Variants in RAB27A observed in about 807,000 individuals in gnomAD.
The protein encoded by RAB27A is ras-related protein Rab-27A.
A neutral mutation model predicts 20.8 loss-of-function variants in RAB27A; 17 were observed. The ratio of observed to expected loss-of-function variants is 0.82; its 90% CI spans 0.56 to 1.23. The LOEUF is 1.23. RAB27A is among the 50% of genes most tolerant of loss of function. The pLI is 0.00. For synonymous variants in RAB27A, 85 were observed against 92.8 expected, an observed-to-expected ratio of 0.92 and a Z score of 0.48; for missense variants, 277 against 266.7, an observed-to-expected ratio of 1.04 and a Z score of -0.27.
chr15:55,247,119 G>T (rs1896717213), intron 2 of RAB27A, among the ~76,000 whole-genome samples: 1 of 152,082 alleles, frequency 6.6e-6, no homozygotes, highest in Non-Finnish European at 1.5e-5. Flanking sequence ...AGCTATCAAA[G>T]AATGGAGTGG....
At chr15:55,262,836 T>C (rs74015552) in intron 2 of RAB27A, among the ~76,000 whole-genome samples, 11,962 of 152,022 alleles carry the variant, frequency 0.079, 685 homozygotes, top group African/African-American at 0.16. Context: ...ATTATAGGTG[T>C]GAGCCACCAC....
intron 6 of RAB27A, among the ~76,000 whole-genome samples, chr15:55,210,997 C>T (rs1057498239): frequency 1.3e-5 from 2 of 152,072 alleles, no homozygotes; most frequent in Non-Finnish European, 2.9e-5. Flanking sequence ...TGTAGTTTTC[C>T]CAGCATCATT....
At position 55,270,268 on chromosome 15, in the gene RAB27A, G is replaced by T. The variant is rs1897664257; in HGVS notation, c.-126C>A. On this transcript the variant is annotated 5_prime_UTR_variant, in exon 2 of 7. The change creates a new upstream start codon in the 5' untranslated region. Transcript: ENST00000336787. ...AACTTCCAATCACATGTCCTCTTCA[G>T]GAAGGTTACTTTTTGTCTAATGTTA... 1 of 152,170 alleles carries T rather than the reference G, an allele frequency of 6.6e-6. No homozygotes were observed. Among genetic ancestry groups the T allele is most frequent in the Non-Finnish European group, 1.5e-5 (1 of 68,026 alleles). 9.4% of individuals were successfully genotyped at this position (152,170 alleles called of 1,614,324 possible). A position where few individuals can be genotyped will look rare whatever the true frequency, so the allele number is the denominator to read the frequency against.
intron 2 of RAB27A, among the ~76,000 whole-genome samples, chr15:55,258,346 C>G (rs751474850): frequency 6.6e-6 from 1 of 152,182 alleles, no homozygotes; most frequent in African/African-American, 2.4e-5. Context: ...GCAAGAGTTT[C>G]TCTAGAAAAT....
intron 2 of RAB27A, among the ~76,000 whole-genome samples, chr15:55,263,908 C>T (rs146580646): frequency 6.6e-6 from 1 of 152,342 alleles, no homozygotes; most frequent in East Asian, 1.9e-4. Context: ...AATCAGCAAA[C>T]AACTCTGTAA....
chr15:55,213,823 G>A (rs954704191), intron 6 of RAB27A, among the ~76,000 whole-genome samples: 1 of 152,140 alleles, frequency 6.6e-6, no homozygotes, highest in Non-Finnish European at 1.5e-5. Context: ...ACATTATGGT[G>A]AGCCGTATAA....
intron 1 of RAB27A, among the ~76,000 whole-genome samples, chr15:55,274,799 T>TATATATAC (rs1208117542): frequency 1.7e-5 from 2 of 115,880 alleles, no homozygotes; most frequent in African/African-American, 7.4e-5. Flanking sequence ...ATAAATTATA[T>TATATATAC]ATATATATAT....
chr15:55,310,339 G>T (rs1566941971), intron 2 of RAB27A, among the ~76,000 whole-genome samples: 1 of 152,058 alleles, frequency 6.6e-6, no homozygotes, highest in Non-Finnish European at 1.5e-5. Flanking sequence ...AGCACACCTG[G>T]GGCTCTGTGA....
At chr15:55,259,016 A>G (rs1017582223) in intron 2 of RAB27A, among the ~76,000 whole-genome samples, 6 of 152,060 alleles carry the variant, frequency 3.9e-5, no homozygotes, top group Non-Finnish European at 5.9e-5. Flanking sequence ...GGGTTTTCCC[A>G]TGTTAGCCAG....
At chr15:55,293,389 C>A (rs1346866060), upstream of RAB27A, among the ~76,000 whole-genome samples, 6 of 151,082 alleles carry the variant, frequency 4.0e-5, no homozygotes, top group Non-Finnish European at 8.8e-5. Context: ...AATAAAAAAT[C>A]TATTAGTGCT....
At chr15:55,216,913 C>G (rs1008789751) in intron 6 of RAB27A, among the ~76,000 whole-genome samples, 3 of 152,122 alleles carry the variant, frequency 2.0e-5, no homozygotes, top group Non-Finnish European at 4.4e-5. Flanking sequence ...TTAATACTGA[C>G]GTATAAATGA....
chr15:55,284,442 A>G (rs1268320496), intron 1 of RAB27A, among the ~76,000 whole-genome samples: 1 of 152,196 alleles, frequency 6.6e-6, no homozygotes, highest in Admixed American at 6.5e-5. Context: ...TAAATACTCC[A>G]GAGGGTCAAA....
intron 6 of RAB27A, among the ~76,000 whole-genome samples, chr15:55,223,242 C>T (rs1205736760): frequency 6.6e-6 from 1 of 152,140 alleles, no homozygotes; most frequent in African/African-American, 2.4e-5. Flanking sequence ...TGTGGTGGCT[C>T]ATACCTGTAA....
chr15:55,298,129 C>T (rs530731890), intron 2 of RAB27A, among the ~76,000 whole-genome samples: 25 of 149,984 alleles, frequency 1.7e-4, no homozygotes, highest in African/African-American at 5.7e-4. Flanking sequence ...GGTGTGAACC[C>T]GGGAGGCAGA....
intron 6 of RAB27A, among the ~76,000 whole-genome samples, chr15:55,210,137 ATATGTATGTG>A (rs1208878766): frequency 7.7e-6 from 1 of 129,276 alleles, no homozygotes; most frequent in African/African-American, 3.6e-5. Flanking sequence ...TATAGTGTAT[ATATGTATGTG>A]TATGTATACA....
At chr15:55,301,645 C>CT (rs754262049) in intron 2 of RAB27A, among the ~76,000 whole-genome samples, 83,251 of 117,526 alleles carry the variant, frequency 0.71, 30,241 homozygotes, top group Middle Eastern at 0.82. Context: ...CCCTAAAAAT[C>CT]TTTTTTTTTT....
intron 1 of RAB27A, chr15:55,288,839 G>T (rs181125520): frequency 6.7e-6 from 1 of 149,198 alleles, no homozygotes; most frequent in East Asian, 2.0e-4. Context: ...AAAAGAACAA[G>T]AACAGTGAGT....
chr15:55,315,133 C>A (rs574991148), intron 1 of RAB27A, among the ~76,000 whole-genome samples: 2 of 152,120 alleles, frequency 1.3e-5, no homozygotes, highest in Non-Finnish European at 2.9e-5. Context: ...TGATCTTTGA[C>A]AAACCTGAGA....
intron 2 of RAB27A, among the ~76,000 whole-genome samples, chr15:55,246,982 G>A (rs1464580811): frequency 1.4e-5 from 2 of 139,412 alleles, no homozygotes; most frequent in African/African-American, 3.4e-5. Flanking sequence ...ACAGCAAAAT[G>A]CCTGATGAAG....
Sources: gnomAD v4.1 joint callset for allele counts (sites outside exome capture counted in the v4.1 genomes callset) on GRCh38, gnomAD v4.1.1 for gene constraint, MANE v1.5 for transcripts, NCBI Gene and HGNC (gene_info 2026-07-23, HGNC 2026-07-21) for gene names.